DPYD: variants seen among roughly 807,000 people sequenced by gnomAD.
The protein encoded by DPYD is dihydropyrimidine dehydrogenase [NADP(+)].
DPYD carries 109 observed loss-of-function variants against 116.2 expected under a neutral mutation model. The observed-to-expected ratio is 0.94, with a 90% CI of 0.80 to 1.10. The LOEUF (loss-of-function observed/expected upper bound fraction) is 1.10, where lower values mean the gene tolerates loss of function less well. Among genes scored for constraint, DPYD ranks in the 50% least tolerant of loss-of-function variants. DPYD has a pLI of 0.00. For synonymous variants in DPYD, 440 were observed against 432.0 expected (o/e 1.02, Z -0.23); for missense variants, 1,302 against 1,254.5 (o/e 1.04, Z -0.57).
intron 5 of DPYD, among the ~76,000 whole-genome samples, chr1:97,700,052 A>C (rs1661510981): frequency 6.6e-6 from 1 of 152,094 alleles, no homozygotes; most frequent in African/African-American, 2.4e-5. Context: ...TGGGAGAATA[A>C]TGATTTAAAA....
chr1:97,581,618 T>C (rs1653679608), intron 10 of DPYD, among the ~76,000 whole-genome samples: 1 of 151,264 alleles, frequency 6.6e-6, no homozygotes, highest in African/African-American at 2.4e-5. Context: ...TGGTGGCATC[T>C]GCCTGTAGTC....
intron 12 of DPYD, among the ~76,000 whole-genome samples, chr1:97,520,093 A>G (rs960176341): frequency 6.6e-6 from 1 of 152,186 alleles, no homozygotes; most frequent in Non-Finnish European, 1.5e-5. Flanking sequence ...CATAGTGCCA[A>G]TATACCTGTT....
At chr1:97,332,206 C>T (rs1189290159) in intron 16 of DPYD, among the ~76,000 whole-genome samples, 1 of 152,178 alleles carries the variant, frequency 6.6e-6, no homozygotes, top group South Asian at 2.1e-4. Flanking sequence ...CAATGAGGCA[C>T]ACATCCTGTC....
chr1:97,118,010 C>T (rs771884187), intron 20 of DPYD, among the ~76,000 whole-genome samples: 28 of 152,068 alleles, frequency 1.8e-4, no homozygotes, highest in Admixed American at 3.3e-4. Context: ...TTCTCTCCTG[C>T]GTTTGAGGTA....
Position 97,296,681 on chromosome 1 carries a change from A to C in DPYD, c.2299+8578T>G, listed in dbSNP as rs547008664. Among the ~76,000 whole-genome samples, 5 of 152,246 alleles carry C rather than the reference A, an allele frequency of 3.3e-5. No individual in the cohort carries two copies. The South Asian group carries it at 1.0e-3, about 32-fold the overall frequency. Reference sequence around the variant, plus strand: ...TGAATCTAGGAATTTTTAAAATGTAAAAGTCCATTTATAGACATATATTTT... The same window carrying C: ...TGAATCTAGGAATTTTTAAAATGTACAAGTCCATTTATAGACATATATTTT... On this transcript the variant is annotated intron_variant, in intron 18 of 22. Coordinates refer to ENST00000370192, the MANE Select transcript of DPYD (RefSeq NM_000110.4).
chr1:97,900,679 T>C (rs1353438276), intron 1 of DPYD, among the ~76,000 whole-genome samples: 2 of 151,946 alleles, frequency 1.3e-5, no homozygotes, highest in Non-Finnish European at 2.9e-5. Flanking sequence ...TTCTCCATTT[T>C]AACTGACATA....
At chr1:97,263,358 C>A (rs1254785762) in intron 18 of DPYD, among the ~76,000 whole-genome samples, 4 of 151,986 alleles carry the variant, frequency 2.6e-5, no homozygotes, top group African/African-American at 9.7e-5. Flanking sequence ...TCTGAAATAC[C>A]ATTTCCCCAC....
intron 20 of DPYD, among the ~76,000 whole-genome samples, chr1:97,175,525 T>G (rs1276854701): frequency 6.6e-6 from 1 of 152,192 alleles, no homozygotes; most frequent in Non-Finnish European, 1.5e-5. Flanking sequence ...TGATTCACTA[T>G]CAACATAGTA....
intron 16 of DPYD, among the ~76,000 whole-genome samples, chr1:97,350,617 A>C (rs556010580): frequency 6.6e-6 from 1 of 152,298 alleles, no homozygotes; most frequent in African/African-American, 2.4e-5. Flanking sequence ...TTTTGTATTA[A>C]AACTGGCACT....
At chr1:97,581,894 G>A (rs1653706555) in intron 10 of DPYD, among the ~76,000 whole-genome samples, 2 of 152,160 alleles carry the variant, frequency 1.3e-5, no homozygotes, top group Non-Finnish European at 2.9e-5. Context: ...TTGAAGAAGT[G>A]GGTGTGGAAG....
intron 1 of DPYD, chr1:97,883,968 A>C (rs1304985726): frequency 3.0e-6 from 1 of 337,550 alleles, no homozygotes; most frequent in Non-Finnish European, 5.7e-6. Flanking sequence ...TAATACAATG[A>C]AAATTTATAT....
intron 19 of DPYD, among the ~76,000 whole-genome samples, chr1:97,194,433 G>A (rs1658604514): frequency 6.6e-6 from 1 of 152,082 alleles, no homozygotes; most frequent in South Asian, 2.1e-4. Context: ...GCCTCCCCCA[G>A]AAATGTTGAA....
chr1:97,763,831 AT>A (rs1361022050), intron 3 of DPYD, among the ~76,000 whole-genome samples: 2 of 152,106 alleles, frequency 1.3e-5, no homozygotes, highest in African/African-American at 2.4e-5. Context: ...CCAAACATTT[AT>A]TATGAATCTT....
chr1:97,658,655 C>T (rs1473988894), intron 8 of DPYD, among the ~76,000 whole-genome samples: 1 of 152,158 alleles, frequency 6.6e-6, no homozygotes, highest in Non-Finnish European at 1.5e-5. Context: ...ACTGTATAAC[C>T]TCTGTCCAGC....
chr1:97,620,113 A>G (rs1656543699), intron 8 of DPYD, among the ~76,000 whole-genome samples: 1 of 151,532 alleles, frequency 6.6e-6, no homozygotes, highest in Non-Finnish European at 1.5e-5. Context: ...TTTGGCTGCA[A>G]TCACTATTCC....
intron 2 of DPYD, among the ~76,000 whole-genome samples, chr1:97,842,067 A>G (rs1409606618): frequency 6.6e-6 from 1 of 151,872 alleles, no homozygotes; most frequent in Non-Finnish European, 1.5e-5. Flanking sequence ...TAGTAGTCAG[A>G]GGCTTCTTTT....
chr1:97,734,254 A>C (rs989894487), intron 4 of DPYD, among the ~76,000 whole-genome samples: 4 of 152,158 alleles, frequency 2.6e-5, no homozygotes, highest in Non-Finnish European at 5.9e-5. Flanking sequence ...TTCTAAAAGT[A>C]AAGTCAAAAT....
At chr1:97,881,066 C>G (rs372841830) in intron 2 of DPYD, among the ~76,000 whole-genome samples, 2 of 151,912 alleles carry the variant, frequency 1.3e-5, no homozygotes, top group Admixed American at 1.3e-4. Flanking sequence ...AAATAAATTA[C>G]TGGTGCAAGT....
intron 20 of DPYD, among the ~76,000 whole-genome samples, chr1:97,118,188 G>T (rs1406383994): frequency 6.6e-6 from 1 of 151,656 alleles, no homozygotes; most frequent in Non-Finnish European, 1.5e-5. Context: ...GACTGACCTT[G>T]CTGATGCAAG....
Sources: allele counts gnomAD v4.1 joint callset (sites outside exome capture counted in the v4.1 genomes callset), GRCh38; gene constraint gnomAD v4.1.1; transcripts MANE v1.5; gene names NCBI Gene and HGNC (gene_info 2026-07-23, HGNC 2026-07-21).